Variants in ANK2 observed in about 807,000 individuals in gnomAD.
ANK2 encodes the protein ankyrin 2.
In ANK2, 83 loss-of-function variants were observed where a neutral mutation model predicts 360.5. That is an observed-to-expected ratio of 0.23 (90% CI 0.19 to 0.28). The LOEUF (loss-of-function observed/expected upper bound fraction) is 0.28, where lower values mean the gene tolerates loss of function less well. ANK2 is among the 10% of genes least tolerant of loss of function. The pLI is 1.00. For missense variants in ANK2, 4,201 were observed against 4,795.7 expected, an observed-to-expected ratio of 0.88 and a Z score of 3.66; for synonymous variants, 1,740 against 1,759.5, an observed-to-expected ratio of 0.99 and a Z score of 0.28.
intron 2 of ANK2, among the ~76,000 whole-genome samples, chr4:112,954,647 C>A (rs2095246494): frequency 6.6e-6 from 1 of 152,158 alleles, no homozygotes; most frequent in Non-Finnish European, 1.5e-5. Context: ...TTAACCAACA[C>A]TTATTTCTAA....
intron 2 of ANK2, among the ~76,000 whole-genome samples, chr4:112,968,865 C>A (rs919483954): frequency 6.6e-6 from 1 of 152,020 alleles, no homozygotes; most frequent in Non-Finnish European, 1.5e-5. Flanking sequence ...TTGTTTATAC[C>A]ATTTTAATTT....
chr4:112,864,555 C>A (rs1190603706), intron 1 of ANK2, among the ~76,000 whole-genome samples: 3 of 151,992 alleles, frequency 2.0e-5, no homozygotes, highest in Non-Finnish European at 2.9e-5. Context: ...GGCGATATGC[C>A]CACCCCGGCC....
chr4:112,723,439 C>A, the ANK2 span, among the ~76,000 whole-genome samples: 2 of 152,162 alleles, frequency 1.3e-5, no homozygotes, highest in African/African-American at 4.8e-5. Flanking sequence ...TCTCGGCGCA[C>A]TGCAACCTCC....
At chr4:112,946,068 A>C (rs1216234178) in intron 2 of ANK2, among the ~76,000 whole-genome samples, 3 of 152,156 alleles carry the variant, frequency 2.0e-5, no homozygotes, top group Non-Finnish European at 4.4e-5. Flanking sequence ...TAGTAGAACA[A>C]AGAAGTTGTT....
At chr4:113,336,991 A>G (rs1019231155) in intron 31 of ANK2, among the ~76,000 whole-genome samples, 1 of 152,242 alleles carries the variant, frequency 6.6e-6, no homozygotes, top group African/African-American at 2.4e-5. Flanking sequence ...TAGATAGTTT[A>G]TATGCGTTGT....
At chr4:113,361,251 C>G (rs1414419732) in intron 39 of ANK2, among the ~76,000 whole-genome samples, 1 of 152,040 alleles carries the variant, frequency 6.6e-6, no homozygotes, top group African/African-American at 2.4e-5. Context: ...TGAGATTTAA[C>G]CAGGGCTCCT....
At chr4:112,940,141 C>T (rs2094098677) in intron 2 of ANK2, among the ~76,000 whole-genome samples, 1 of 152,142 alleles carries the variant, frequency 6.6e-6, no homozygotes. Flanking sequence ...CTCGCGTTTC[C>T]ATTGCCTTAG....
chr4:112,845,273 A>T (rs555471461), intron 1 of ANK2, among the ~76,000 whole-genome samples: 1 of 151,666 alleles, frequency 6.6e-6, no homozygotes, highest in African/African-American at 2.4e-5. Context: ...AGTATAATCA[A>T]TTTTCTGAGG....
At chr4:113,176,241 C>T (rs1273882170) in intron 2 of ANK2, among the ~76,000 whole-genome samples, 5 of 152,170 alleles carry the variant, frequency 3.3e-5, no homozygotes, top group Admixed American at 2.6e-4. Context: ...TGAATTACAA[C>T]GTCCTTTGTT....
intron 13 of ANK2, among the ~76,000 whole-genome samples, chr4:113,261,080 G>A (rs1054501274): frequency 6.6e-6 from 1 of 152,138 alleles, no homozygotes; most frequent in African/African-American, 2.4e-5. Context: ...ATGAAATTTA[G>A]TACCTGCTTT....
chr4:112,941,667 A>G (rs990233613), intron 2 of ANK2, among the ~76,000 whole-genome samples: 2 of 146,226 alleles, frequency 1.4e-5, no homozygotes, highest in Admixed American at 1.4e-4. Flanking sequence ...ATATATAAAT[A>G]TATATAAAAG....
intron 1 of ANK2, among the ~76,000 whole-genome samples, chr4:113,125,394 A>G (rs2095604299): frequency 6.6e-6 from 1 of 152,190 alleles, no homozygotes; most frequent in Non-Finnish European, 1.5e-5. Context: ...CAAGACATTC[A>G]GCAGGATAAG....
intron 39 of ANK2, 92 bp from the exon 40 acceptor site, chr4:113,363,246 A>G (rs1452163356): frequency 3.8e-6 from 5 of 1,309,502 alleles, no homozygotes; most frequent in African/African-American, 1.5e-5. Context: ...ACCACAATAT[A>G]AAGAACACAT....
the ANK2 span, among the ~76,000 whole-genome samples, chr4:112,789,822 G>C: frequency 6.6e-6 from 1 of 152,208 alleles, no homozygotes; most frequent in East Asian, 1.9e-4. Flanking sequence ...AGACTTGAAG[G>C]CAAAACCTCT....
At chr4:113,154,292 A>G (rs2097198762) in intron 1 of ANK2, among the ~76,000 whole-genome samples, 2 of 152,234 alleles carry the variant, frequency 1.3e-5, no homozygotes, top group African/African-American at 2.4e-5. Context: ...CCTTTTATTC[A>G]TTGTTTAACC....
intron 2 of ANK2, among the ~76,000 whole-genome samples, chr4:112,995,449 T>C (rs1208933897): frequency 6.6e-6 from 1 of 152,206 alleles, no homozygotes; most frequent in Non-Finnish European, 1.5e-5. Flanking sequence ...AATAGGGTTA[T>C]TTGTTTTTTG....
At chr4:112,986,654 T>G (rs943140681) in intron 2 of ANK2, among the ~76,000 whole-genome samples, 6 of 152,208 alleles carry the variant, frequency 3.9e-5, no homozygotes, top group African/African-American at 1.4e-4. Context: ...AGGAGACATT[T>G]TTATAGAAGG....
intron 2 of ANK2, among the ~76,000 whole-genome samples, chr4:112,917,638 T>A (rs2090283639): frequency 1.3e-5 from 2 of 152,268 alleles, no homozygotes; most frequent in South Asian, 4.1e-4. Context: ...GGATTTATCA[T>A]GGTTCAGCAT....
chr4:113,236,033 T>C lies in ANK2; in HGVS notation c.484-954T>C, dbSNP rs532183235. Among the ~76,000 whole-genome samples, 75 of 152,312 alleles carry C rather than the reference T, an allele frequency of 4.9e-4. 1 individual carries two copies. Among genetic ancestry groups the C allele is most frequent in the African/African-American group, 1.6e-3 (68 of 41,570 alleles). ...GATTACAGGTGTGAGCCACCGTGCC[T>C]GGCCCCAGTCTTTCAATTTACCATT... On this transcript the variant is annotated intron_variant, in intron 5 of 45. Transcript: ENST00000357077.
Sources: gnomAD v4.1 joint callset for allele counts (sites outside exome capture counted in the v4.1 genomes callset) on GRCh38, gnomAD v4.1.1 for gene constraint, MANE v1.5 for transcripts, NCBI Gene and HGNC (gene_info 2026-07-23, HGNC 2026-07-21) for gene names.